XIRP2: variants seen among roughly 807,000 people sequenced by gnomAD.
XIRP2 encodes xin actin-binding repeat-containing protein 2.
XIRP2 carries 236 observed loss-of-function variants against 277.0 expected under a neutral mutation model. The ratio of observed to expected loss-of-function variants is 0.85; its 90% CI spans 0.77 to 0.95. The LOEUF (loss-of-function observed/expected upper bound fraction) is 0.95, where lower values mean the gene tolerates loss of function less well. Ranked by LOEUF, XIRP2 falls within the 40% of genes least tolerant of loss-of-function variation. The pLI is 0.00. For missense variants in XIRP2, 4,640 were observed against 4,157.5 expected, an observed-to-expected ratio of 1.12 and a Z score of -3.19; for synonymous variants, 1,490 against 1,416.5, an observed-to-expected ratio of 1.05 and a Z score of -1.17.
chr2:166,913,754 A>C (rs760484441), intron 2 of XIRP2, among the ~76,000 whole-genome samples: 5 of 152,244 alleles, frequency 3.3e-5, no homozygotes, highest in Non-Finnish European at 7.3e-5. Context: ...GAATAATTGC[A>C]GCCATTTTGC....
intron 2 of XIRP2, among the ~76,000 whole-genome samples, chr2:166,924,752 C>T (rs371085071): frequency 6.6e-6 from 1 of 151,998 alleles, no homozygotes; most frequent in Non-Finnish European, 1.5e-5. Context: ...CATGTTGAGT[C>T]TCATAGCCCT....
intron 2 of XIRP2, among the ~76,000 whole-genome samples, chr2:167,029,510 A>G (rs1688268925): frequency 6.6e-6 from 1 of 152,128 alleles, no homozygotes; most frequent in African/African-American, 2.4e-5. Context: ...GAATACGTTT[A>G]TAGATTTTCA....
At chr2:167,014,016 C>G (rs1687755079) in intron 2 of XIRP2, among the ~76,000 whole-genome samples, 2 of 106,274 alleles carry the variant, frequency 1.9e-5, no homozygotes, top group Admixed American at 2.1e-4. Flanking sequence ...CATTTGATCA[C>G]TATCATAATT....
At chr2:166,965,543 C>G (rs1470999741) in intron 2 of XIRP2, among the ~76,000 whole-genome samples, 2 of 151,710 alleles carry the variant, frequency 1.3e-5, no homozygotes, top group Non-Finnish European at 2.9e-5. Context: ...TCTTCTTATA[C>G]AGAGGTAGTT....
At chr2:167,145,445 T>C (rs77959865) in intron 3 of XIRP2, among the ~76,000 whole-genome samples, 15,413 of 152,192 alleles carry the variant, frequency 0.1, 833 homozygotes, top group South Asian at 0.15. Flanking sequence ...TGAAAGAATA[T>C]ATAGTAGGAG....
chr2:167,027,864 A>T (rs1688217703), intron 2 of XIRP2, among the ~76,000 whole-genome samples: 1 of 152,080 alleles, frequency 6.6e-6, no homozygotes, highest in South Asian at 2.1e-4. Context: ...TACTCAAATA[A>T]TTGCAAGTTA....
intron 3 of XIRP2, among the ~76,000 whole-genome samples, chr2:167,161,075 C>T (rs1692349040): frequency 6.6e-6 from 1 of 152,182 alleles, no homozygotes; most frequent in South Asian, 2.1e-4. Context: ...CTTTGACTCC[C>T]TGTCTCACCT....
intron 5 of XIRP2, among the ~76,000 whole-genome samples, chr2:167,219,211 A>C (rs1339415169): frequency 6.6e-6 from 1 of 152,200 alleles, no homozygotes; most frequent in African/African-American, 2.4e-5. Flanking sequence ...CTCTGGCTGC[A>C]AAGTTAAAAA....
At position 166,888,757 on chromosome 2, in the gene XIRP2, C is replaced by G. The variant is rs78276336; in HGVS notation, c.-19+200C>G. The stretch of plus-strand genomic sequence containing the variant: ...TAGTGACAGACACTGCTGCTAGAAT[C>G]TCTAGTTATTCATTTGTTTTTCTAA... On this transcript the variant is annotated intron_variant, in intron 1 of 10. Transcript: ENST00000409195. Among the ~76,000 whole-genome samples, 213 of 152,296 alleles carry G rather than the reference C, an allele frequency of 1.4e-3. 6 individuals are homozygous for G. In the East Asian group the frequency reaches 0.039, roughly 28 times the overall value.
At chr2:167,241,181 G>A (rs952729825) in intron 7 of XIRP2, among the ~76,000 whole-genome samples, 2 of 152,018 alleles carry the variant, frequency 1.3e-5, no homozygotes, top group Non-Finnish European at 2.9e-5. Flanking sequence ...CACAAGACTG[G>A]ACATAGTTTG....
At chr2:166,916,868 A>G (rs1574076901) in intron 2 of XIRP2, among the ~76,000 whole-genome samples, 1 of 152,194 alleles carries the variant, frequency 6.6e-6, no homozygotes, top group Admixed American at 6.5e-5. Context: ...TCATATCTGT[A>G]AAATAAGGAG....
chr2:167,253,976 T>G lies in XIRP2; in HGVS notation c.10556-56T>G, dbSNP rs537143866. 47 of 1,513,250 alleles carry G rather than the reference T, an allele frequency of 3.1e-5. 1 individual carries two copies. In the Admixed American group the frequency reaches 1.0e-3, roughly 33 times the overall value. 93.7% of individuals were successfully genotyped at this position (1,513,250 alleles called of 1,614,324 possible). A position where few individuals can be genotyped will look rare whatever the true frequency, so the allele number is the denominator to read the frequency against. On this transcript the variant is annotated intron_variant, in intron 9 of 10. Transcript: ENST00000409195. ...ATATGTGTTTTTGTTTTGTTATGTT[T>G]TTACAATATGATTGAAGATAACACT...
intron 4 of XIRP2, among the ~76,000 whole-genome samples, chr2:167,215,759 G>C (rs939954899): frequency 6.6e-6 from 1 of 152,086 alleles, no homozygotes; most frequent in African/African-American, 2.4e-5. Flanking sequence ...GGCTGGCATG[G>C]GGCCTGTTTC....
At chr2:167,201,216 AAGAAAG>A (rs1461347522) in intron 3 of XIRP2, among the ~76,000 whole-genome samples, 1 of 108,942 alleles carries the variant, frequency 9.2e-6, no homozygotes, top group Non-Finnish European at 1.8e-5. Context: ...GAAAGAAAGA[AAGAAAG>A]AAAGAAAGAA....
intron 2 of XIRP2, among the ~76,000 whole-genome samples, chr2:167,096,215 T>A (rs1484901564): frequency 6.6e-6 from 1 of 152,142 alleles, no homozygotes; most frequent in Non-Finnish European, 1.5e-5. Context: ...AATTGCTGCC[T>A]CAATTTCAGA....
intron 3 of XIRP2, among the ~76,000 whole-genome samples, chr2:167,154,923 G>A (rs1470354670): frequency 3.3e-5 from 5 of 151,944 alleles, no homozygotes; most frequent in South Asian, 2.1e-4. Context: ...TATCACCACC[G>A]ATCCCACAGA....
intron 2 of XIRP2, among the ~76,000 whole-genome samples, chr2:166,914,160 G>A (rs143519281): frequency 6.6e-6 from 1 of 152,166 alleles, no homozygotes; most frequent in Non-Finnish European, 1.5e-5. Context: ...GATGAAAGAA[G>A]CAAAGGCTGA....
At chr2:167,042,838 C>T (rs62197376) in intron 2 of XIRP2, among the ~76,000 whole-genome samples, 3,258 of 152,220 alleles carry the variant, frequency 0.021, 49 homozygotes, top group Non-Finnish European at 0.03. Context: ...AGTACCTAAG[C>T]TTGACACTTG....
chr2:167,022,012 G>A (rs1014571138), intron 2 of XIRP2, among the ~76,000 whole-genome samples: 5 of 151,946 alleles, frequency 3.3e-5, no homozygotes, highest in Admixed American at 1.3e-4. Context: ...AAACTATGAG[G>A]TAAACATAAA....
Sources: gnomAD v4.1 joint callset for allele counts (sites outside exome capture counted in the v4.1 genomes callset) on GRCh38, gnomAD v4.1.1 for gene constraint, MANE v1.5 for transcripts, NCBI Gene and HGNC (gene_info 2026-07-23, HGNC 2026-07-21) for gene names.